PRELP: variants seen among roughly 807,000 people sequenced by gnomAD.
PRELP encodes the protein prolargin.
PRELP carries 16 observed loss-of-function variants against 22.8 expected under a neutral mutation model. The observed-to-expected ratio is 0.70, with a 90% CI of 0.47 to 1.06. The LOEUF (loss-of-function observed/expected upper bound fraction) is 1.06, where lower values mean the gene tolerates loss of function less well. Ranked by LOEUF, PRELP falls within the 50% of genes least tolerant of loss-of-function variation. The probability of loss-of-function intolerance (pLI) is 0.00; values close to 1 mark genes in which losing one functional copy is unlikely to be tolerated. For missense variants in PRELP, 434 were observed against 485.2 expected (o/e 0.89, Z 0.99); for synonymous variants, 233 against 211.4 (o/e 1.10, Z -0.89).
rs397844598 is a variant in PRELP at position 203,479,706 on chromosome 1, C to CAAAAA, written c.-16-3437_-16-3433dup. 9.7e-4 allele frequency among the ~76,000 whole-genome samples: 51 copies of CAAAAA among 52,518 alleles called. 1 individual carries two copies. The highest frequency in any genetic ancestry group is 1.3e-3 in the Non-Finnish European group (38 of 28,796). 34.5% of individuals were successfully genotyped at this position (52,518 alleles called of 152,430 possible). ...TCAACAAAGGGAGACCCTGTATCAC[C>CAAAAA]AAAAAAAAAAAAAAAAAAAAAAAAA... On this transcript the variant is annotated intron_variant, in intron 1 of 2. Coordinates refer to ENST00000343110, the MANE Select transcript of PRELP (RefSeq NM_002725.4).
At position 203,479,080 on chromosome 1, in the gene PRELP, C is replaced by G. The variant is rs560542120; in HGVS notation, c.-17+3142C>G. Among the ~76,000 whole-genome samples, 129 of 152,320 alleles carry G rather than the reference C, an allele frequency of 8.5e-4. 4 individuals carry two copies. In the South Asian group the frequency reaches 0.026, roughly 31 times the overall value. ...AGGTCAGAAGCAGCCCCATTCTCCA[C>G]TGCAGGGTAGCTCTGGGTCAAGGCA... On this transcript the variant is annotated intron_variant, in intron 1 of 2. Transcript: ENST00000343110.
chr1:203,483,262 AAGACCCGGGACTGGGCCCGGGCGC>A lies in PRELP; in HGVS notation c.85_108del (p.Gly29_Pro36del). ...CCCAAGGCCAGCCAACAAGACGACC[AAGACCCGGGACTGGGCCCGGGCGC>A]AGACCCAGGCCCAGGCCCAGGCCCA... is the stretch of plus-strand genomic sequence containing the variant. On this transcript the variant is annotated inframe_deletion, in exon 2 of 3. Transcript: ENST00000343110. The surrounding 1 kb of genome is among the most constrained non-coding windows in gnomAD (Gnocchi z 4.4). The A allele has an allele frequency of 1.2e-6, 2 of 1,603,904 alleles. No individual in the cohort carries two copies. The highest frequency in any genetic ancestry group is 8.5e-7 in the Non-Finnish European group (1 of 1,176,800).
At chr1:203,484,251 T>A in intron 2 of PRELP, 94 bp downstream of exon 2, 1 of 1,497,228 alleles carries the variant, frequency 6.7e-7, no homozygotes, top group Admixed American at 2.2e-5. Context: ...TGGGGTGGTA[T>A]AAAAAGCATC....
At chr1:203,484,780 T>C (rs1661065371) in intron 2 of PRELP, among the ~76,000 whole-genome samples, 1 of 152,204 alleles carries the variant, frequency 6.6e-6, no homozygotes, top group Non-Finnish European at 1.5e-5. Flanking sequence ...AAGGAAGAGT[T>C]TGCCTAAGTG....
Position 203,486,869 on chromosome 1 carries a change from C to A in PRELP, c.1137C>A (p.Ser379=), listed in dbSNP as rs1204576068. 1 of 1,613,400 alleles carries A rather than the reference C, an allele frequency of 6.2e-7. No homozygotes were observed. The highest frequency in any genetic ancestry group is 8.5e-7 in the Non-Finnish European group (1 of 1,179,678). ...TGATGTGCTTCCGCCTCCTGCAGTC[C>A]GTGGTCATCTAGGCCCTACTCCGCC... ...DLMMCFRLLQ[S]VVI Residue 379 remains serine (S), a synonymous_variant, in exon 3 of 3, where the codon TCC becomes TCA. Coordinates refer to ENST00000343110, the MANE Select transcript of PRELP (RefSeq NM_002725.4).
chr1:203,483,819 T>C lies in PRELP; in HGVS notation c.635T>C (p.Phe212Ser). The change falls in exon 2 of 3, where the codon TTC becomes TCC. Residue 212 changes from phenylalanine (F) to serine (S), a missense_variant. By Grantham distance (155) the Phe-to-Ser change is radical. Coordinates refer to ENST00000343110, the MANE Select transcript of PRELP (RefSeq NM_002725.4). The surrounding 1 kb of genome is among the most constrained non-coding windows in gnomAD (Gnocchi z 4.4). ...CACAACAGGCTGAGCGACGGCGTCTTCAAGCCCGACACCTTCCATGGCCTC... is the reference window on the plus strand; with the variant it reads ...CACAACAGGCTGAGCGACGGCGTCTCCAAGCCCGACACCTTCCATGGCCTC... ...LQHNRLSDGV[F>S]KPDTFHGLKN... 1 of 1,614,116 alleles carries C rather than the reference T, an allele frequency of 6.2e-7. No homozygotes were observed. The highest frequency in any genetic ancestry group is 8.5e-7 in the Non-Finnish European group (1 of 1,179,996).
chr1:203,484,304 A>G, intron 2 of PRELP, 147 bp downstream of exon 2: 2 of 1,293,404 alleles, frequency 1.5e-6, no homozygotes, highest in Non-Finnish European at 2.1e-6. Flanking sequence ...GCCACTTGCT[A>G]TCTGGGTGAC....
In PRELP at chr1:203,483,791, C is replaced by T; in HGVS notation, c.607C>T (p.Gln203Ter). 2 of 1,614,194 alleles carry T rather than the reference C, an allele frequency of 1.2e-6. No individual in the cohort carries two copies. Among genetic ancestry groups the T allele is most frequent in the Non-Finnish European group, 1.7e-6 (2 of 1,180,016 alleles). ...KLENLLLLDL[Q>*]HNRLSDGVFK... ...GGAGAACCTGCTGCTCCTGGATCTC[C>T]AGCACAACAGGCTGAGCGACGGCGT... The change falls in exon 2 of 3, where the codon CAG becomes TAG. Residue 203 changes from glutamine to a stop codon, truncating the protein, a stop_gained. Transcript: ENST00000343110. LOFTEE classifies it high-confidence loss of function. This position sits in a 1 kb window ranked among gnomAD's most constrained non-coding sequence, Gnocchi z 4.4.
rs1297880260 is a variant in PRELP at position 203,477,213 on chromosome 1, A to G, written c.-17+1275A>G. ...ATCGAGACCCAGGAATCTTGTTTTA[A>G]TACTTCAGGAGATTCTGATGGTCCA... On this transcript the variant is annotated intron_variant, in intron 1 of 2. Transcript: ENST00000343110. Among the ~76,000 whole-genome samples, 10 of 152,308 alleles carry G rather than the reference A, an allele frequency of 6.6e-5. No individual in the cohort carries two copies. The East Asian group carries it at 1.9e-3, about 29-fold the overall frequency.
At chr1:203,480,641 T>G (rs888780007) in intron 1 of PRELP, among the ~76,000 whole-genome samples, 1 of 152,204 alleles carries the variant, frequency 6.6e-6, no homozygotes, top group Non-Finnish European at 1.5e-5. Context: ...GAATGCTATT[T>G]CCTTAAGAGA....
intron 2 of PRELP, among the ~76,000 whole-genome samples, chr1:203,486,162 G>A (rs1460145483): frequency 1.3e-5 from 2 of 152,210 alleles, no homozygotes; most frequent in Non-Finnish European, 2.9e-5. Flanking sequence ...CAGATTTAAC[G>A]CTCCAGGATA....
At position 203,483,002 on chromosome 1, in the gene PRELP, A is replaced by G. The variant is rs1262037926; in HGVS notation, c.-16-167A>G. Among the ~76,000 whole-genome samples the G allele has an allele frequency of 6.6e-6, 1 of 152,036 alleles. No individual in the cohort carries two copies. The highest frequency in any genetic ancestry group is 1.5e-5 in the Non-Finnish European group (1 of 67,996). On this transcript the variant is annotated intron_variant, in intron 1 of 2. Coordinates refer to ENST00000343110, the MANE Select transcript of PRELP (RefSeq NM_002725.4). The surrounding 1 kb of genome is among the most constrained non-coding windows in gnomAD (Gnocchi z 4.4). ...GAATCCAGAGCCTCAAGCCCTTGTT[A>G]TTCCCTTACCTGCTGGGTACAGGCA...
chr1:203,476,972 A>G (rs1660921689), intron 1 of PRELP, among the ~76,000 whole-genome samples: 3 of 148,884 alleles, frequency 2.0e-5, no homozygotes, highest in Admixed American at 6.7e-5. Flanking sequence ...TTCCTTAAGC[A>G]GTTGGGGAGG....
chr1:203,481,963 G>GT, intron 1 of PRELP, among the ~76,000 whole-genome samples: 1 of 152,256 alleles, frequency 6.6e-6, no homozygotes, highest in Non-Finnish European at 1.5e-5. Flanking sequence ...TATATAATAG[G>GT]TTTTTTTAAA....
At position 203,483,934 on chromosome 1, in the gene PRELP, C is replaced by T; in HGVS notation, c.750C>T (p.Asp250=). 6.2e-7 allele frequency: 1 copy of T among 1,614,238 alleles called. No homozygotes were observed. Among genetic ancestry groups the T allele is most frequent in the South Asian group, 1.1e-5 (1 of 91,090 alleles). ...CCGCCATTCACCAGCTCTACCTGGA[C>T]AGTAACAAGATTGAGACCATCCCTA... ...VPTAIHQLYL[D]SNKIETIPNG... Residue 250 remains aspartate (D), a synonymous_variant, in exon 2 of 3, where the codon GAC becomes GAT. Transcript: ENST00000343110. This position sits in a 1 kb window ranked among gnomAD's most constrained non-coding sequence, Gnocchi z 4.4.
At chr1:203,484,452 G>A (rs1661061495) in intron 2 of PRELP, among the ~76,000 whole-genome samples, 1 of 152,250 alleles carries the variant, frequency 6.6e-6, no homozygotes, top group African/African-American at 2.4e-5. Context: ...CATACTTGGA[G>A]GGTCATAGGT....
rs1024452134 is a variant in PRELP, at chr1:203,487,881, A to C, written c.*1000A>C. ...GGCGGAGCACCTGGACGTCTCCCAG[A>C]AGCCCCTCCACGTTTGAAAATGCGC... On this transcript the variant is annotated 3_prime_UTR_variant, in exon 3 of 3. Transcript: ENST00000343110. 16 of 152,246 alleles carry C rather than the reference A, an allele frequency of 1.1e-4. No individual in the cohort carries two copies. The highest frequency in any genetic ancestry group is 3.9e-4 in the African/African-American group (16 of 41,464). The allele number at this position is 152,246 out of a possible 1,614,324, so 9.4% of individuals were successfully genotyped here.
chr1:203,478,997 G>T (rs1305902334), intron 1 of PRELP, among the ~76,000 whole-genome samples: 1 of 152,136 alleles, frequency 6.6e-6, no homozygotes, highest in African/African-American at 2.4e-5. Context: ...CCTAGGTTGA[G>T]AACAGAAAGA....
rs1661097916 is a variant in PRELP, at chr1:203,486,730, C to G, written c.998C>G (p.Pro333Arg). Residue 333 changes from proline to arginine, a missense_variant, in exon 3 of 3, where the codon CCC becomes CGC. By Grantham distance (103) the Pro-to-Arg change is moderately radical (BLOSUM62 -2). Transcript: ENST00000343110. ...IEKINGTQIC[P>R]NDLVAFHDFS... is the part of the protein sequence containing the mutation. ...GAAATCAACGGAACCCAGATTTGCC[C>G]CAACGACCTAGTGGCGTTCCATGAC... is the stretch of plus-strand genomic sequence containing the variant. 3.1e-6 allele frequency: 5 copies of G among 1,612,742 alleles called. No individual in the cohort carries two copies. In the African/African-American group the frequency reaches 5.3e-5, roughly 17 times the overall value.
Sources: gnomAD v4.1 joint callset for allele counts (sites outside exome capture counted in the v4.1 genomes callset) on GRCh38, gnomAD v4.1.1 for gene constraint, Gnocchi (gnomAD v3.1) non-coding constraint, MANE v1.5 for transcripts, NCBI Gene and HGNC (gene_info 2026-07-23, HGNC 2026-07-21) for gene names.